The following POLA2 variants were observed in gnomAD, a reference collection of about 807,000 sequenced individuals.
POLA2 encodes the protein DNA polymerase alpha 2, accessory subunit.
POLA2 carries 47 observed loss-of-function variants against 82.8 expected under a neutral mutation model. The ratio of observed to expected loss-of-function variants is 0.57; its 90% CI spans 0.45 to 0.72. The LOEUF is 0.72. Ranked by LOEUF, POLA2 falls within the 30% of genes least tolerant of loss-of-function variation. POLA2 has a pLI of 0.00. For synonymous variants in POLA2, 287 were observed against 286.8 expected, an observed-to-expected ratio of 1.00 and a Z score of -0.01; for missense variants, 634 against 728.1, an observed-to-expected ratio of 0.87 and a Z score of 1.49.
chr11:65,274,348 A>C (rs1036726312), intron 4 of POLA2, among the ~76,000 whole-genome samples: 1 of 151,514 alleles, frequency 6.6e-6, no homozygotes, highest in African/African-American at 2.4e-5. Flanking sequence ...CCTGGGCAAC[A>C]AGAGCGAAGT....
chr11:65,300,656 C>T (rs1949854784), downstream of POLA2, among the ~76,000 whole-genome samples: 1 of 152,188 alleles, frequency 6.6e-6, no homozygotes, highest in Admixed American at 6.5e-5. Flanking sequence ...GATCTCTGCT[C>T]ACTGCAACCT....
intron 4 of POLA2, among the ~76,000 whole-genome samples, chr11:65,271,617 C>T (rs537220397): frequency 8.6e-5 from 13 of 151,438 alleles, no homozygotes; most frequent in Admixed American, 5.9e-4. Flanking sequence ...CCCAGCACTT[C>T]GGGAGGCTGA....
chr11:65,285,232 C>G (rs1247443883), intron 10 of POLA2, among the ~76,000 whole-genome samples: 1 of 152,096 alleles, frequency 6.6e-6, no homozygotes, highest in Non-Finnish European at 1.5e-5. Flanking sequence ...GCTGAAACCC[C>G]ATCTCCACTA....
At chr11:65,274,595 G>A (rs148777057) in intron 4 of POLA2, among the ~76,000 whole-genome samples, 1,552 of 151,510 alleles carry the variant, frequency 0.01, 28 homozygotes, top group African/African-American at 0.036. Context: ...CAGCAGCATC[G>A]CTTGAACCCA....
At chr11:65,296,028 AC>A in intron 17 of POLA2, 38 bp downstream of exon 17, 1 of 1,613,310 alleles carries the variant, frequency 6.2e-7, no homozygotes, top group South Asian at 1.1e-5. Flanking sequence ...AAACACCAGA[AC>A]CCAGTCTTTG....
At chr11:65,293,931 G>A (rs181587417) in intron 13 of POLA2, among the ~76,000 whole-genome samples, 2 of 152,234 alleles carry the variant, frequency 1.3e-5, no homozygotes, top group East Asian at 3.9e-4. Context: ...CCAGGCAATC[G>A]GAGCCTGTCC....
chr11:65,278,739 C>G lies in POLA2; in HGVS notation c.471C>G (p.Pro157=). The G allele has an allele frequency of 6.2e-7, 1 of 1,613,160 alleles. No individual in the cohort carries two copies. The highest frequency in any genetic ancestry group is 1.1e-5 in the South Asian group (1 of 91,008). ...SPSSFSPSAT[P]SQKYNSRSNR... The stretch of plus-strand genomic sequence containing the variant: ...TTTTGCTTCCAATTAGTGCTACTCC[C>G]TCCCAGAAATACAACTCACGAAGTA... Residue 157 remains proline (P), a synonymous_variant, in exon 6 of 18, where the codon CCC becomes CCG. Transcript: ENST00000265465.
rs1565477643 is a variant in POLA2 at position 65,278,703 on chromosome 11, ATAT to A, written c.462-24_462-22del. 5 of 1,583,668 alleles carry A rather than the reference ATAT, an allele frequency of 3.2e-6. No individual in the cohort carries two copies. In the South Asian group the frequency reaches 5.6e-5, roughly 18 times the overall value. On this transcript the variant is annotated intron_variant, in intron 5 of 17. Coordinates refer to ENST00000265465, the MANE Select transcript of POLA2 (RefSeq NM_002689.4). ...TCTCCCTTTAGATATGAACACAGTA[ATAT>A]TAACCTGTTTTGCTTCCAATTAGTG...
chr11:65,290,281 G>A (rs1345613179), intron 13 of POLA2, among the ~76,000 whole-genome samples: 1 of 147,778 alleles, frequency 6.8e-6, no homozygotes, highest in Non-Finnish European at 1.5e-5. Context: ...TGGGCGTGGT[G>A]GCTCACGCAC....
At chr11:65,281,842 C>T in intron 9 of POLA2, 110 bp downstream of exon 9, 1 of 880,000 alleles carries the variant, frequency 1.1e-6, no homozygotes, top group South Asian at 1.4e-5. Context: ...ATTTGTTAGT[C>T]AGTTCTCCAT....
chr11:65,286,032 G>A (rs1419538996), intron 10 of POLA2, among the ~76,000 whole-genome samples: 3 of 152,166 alleles, frequency 2.0e-5, no homozygotes, highest in Non-Finnish European at 4.4e-5. Flanking sequence ...GACTTTGCCC[G>A]TGTGATTAAG....
intron 13 of POLA2, among the ~76,000 whole-genome samples, chr11:65,293,493 G>T (rs1270900268): frequency 6.6e-6 from 1 of 151,528 alleles, no homozygotes; most frequent in Non-Finnish European, 1.5e-5. Flanking sequence ...ACCTGTAGTT[G>T]TAGCTACTCG....
chr11:65,296,451 C>T (rs1949811727), intron 17 of POLA2: 1 of 165,952 alleles, frequency 6.0e-6, no homozygotes, highest in South Asian at 1.5e-4. Flanking sequence ...AAGGAATCTG[C>T]CTAGACCAGT....
chr11:65,263,220 C>CTCTT (rs1272422875), intron 1 of POLA2, among the ~76,000 whole-genome samples: 3 of 123,198 alleles, frequency 2.4e-5, no homozygotes, highest in Admixed American at 1.7e-4. Context: ...CTCTCTCTCT[C>CTCTT]TTTTTTTTTT....
At position 65,295,593 on chromosome 11, in the gene POLA2, A is replaced by G; in HGVS notation, c.1514A>G (p.Gln505Arg). The G allele has an allele frequency of 1.2e-6, 2 of 1,613,514 alleles. No individual in the cohort carries two copies. The highest frequency in any genetic ancestry group is 1.7e-6 in the Non-Finnish European group (2 of 1,179,672). Residue 505 changes from glutamine to arginine, a missense_variant, in exon 16 of 18, where the codon CAG becomes CGG. Transcript: ENST00000265465. ...CGAATACTCAAGCACATCTTGACCC[A>G]GAGGAGGTGAGCTTGCCGCTGGGAC... ...FSRILKHILT[Q>R]RSYYPLYPPQ...
rs200740193 is a variant in POLA2 at position 65,281,676 on chromosome 11, A to T, written c.907A>T (p.Ile303Phe). Residue 303 changes from isoleucine (I) to phenylalanine (F), a missense_variant, in exon 9 of 18, where the codon ATT (isoleucine) becomes TTT (phenylalanine). Coordinates refer to ENST00000265465, the MANE Select transcript of POLA2 (RefSeq NM_002689.4). The stretch of plus-strand genomic sequence containing the variant: ...GTTTGTTTTTGTCTTTCAGGTTGTA[A>T]TTATGGAAGGAATCAACACCACTGG... ...EYSLFPGQVV[I>F]MEGINTTGRK... 9.9e-6 allele frequency: 16 copies of T among 1,613,270 alleles called. No individual in the cohort carries two copies. Among genetic ancestry groups the T allele is most frequent in the African/African-American group, 1.3e-5 (1 of 75,014 alleles).
downstream of POLA2, chr11:65,305,720 GC>G (rs973842921): frequency 8.7e-6 from 2 of 230,930 alleles, no homozygotes; most frequent in Non-Finnish European, 1.8e-5. Flanking sequence ...TGTATCTTTT[GC>G]CCCCCAGTCC....
chr11:65,282,973 T>TA (rs553420535), intron 10 of POLA2, among the ~76,000 whole-genome samples: 26 of 151,506 alleles, frequency 1.7e-4, no homozygotes, highest in Non-Finnish European at 3.1e-4. Context: ...TACTAAAAAT[T>TA]AAAAAAAATA....
chr11:65,302,770 C>T (rs2137621613), downstream of POLA2, among the ~76,000 whole-genome samples: 1 of 151,880 alleles, frequency 6.6e-6, no homozygotes. Context: ...ACTCTGTCGC[C>T]CAGTCTAAGT....
Sources: allele counts gnomAD v4.1 joint callset (sites outside exome capture counted in the v4.1 genomes callset), GRCh38; gene constraint gnomAD v4.1.1; transcripts MANE v1.5; gene names NCBI Gene and HGNC (gene_info 2026-07-23, HGNC 2026-07-21).